The following TMOD3 variants were observed in gnomAD, a reference collection of about 807,000 sequenced individuals.
TMOD3 encodes tropomodulin-3.
In TMOD3, 20 loss-of-function variants were observed where a neutral mutation model predicts 39.2. That is an observed-to-expected ratio of 0.51 (90% CI 0.36 to 0.74). The LOEUF (loss-of-function observed/expected upper bound fraction) is 0.74, where lower values mean the gene tolerates loss of function less well. TMOD3 is among the 30% of genes least tolerant of loss of function. The pLI, the probability that TMOD3 is intolerant of heterozygous loss-of-function variation, is 0.00. For synonymous variants in TMOD3, 143 were observed against 145.8 expected, an observed-to-expected ratio of 0.98 and a Z score of 0.14; for missense variants, 381 against 412.8, an observed-to-expected ratio of 0.92 and a Z score of 0.67.
At chr15:51,892,640 C>T (rs1225299657) in intron 5 of TMOD3, among the ~76,000 whole-genome samples, 2 of 152,282 alleles carry the variant, frequency 1.3e-5, no homozygotes, top group East Asian at 3.9e-4. Flanking sequence ...CCCCACTTTC[C>T]CACTGCAGAG....
chr15:51,888,355 A>G (rs939794765), intron 4 of TMOD3, among the ~76,000 whole-genome samples: 1 of 152,150 alleles, frequency 6.6e-6, no homozygotes, highest in African/African-American at 2.4e-5. Context: ...TTTGGAAAGG[A>G]CCTTGGAAAG....
chr15:51,847,991 C>G (rs963797210), intron 1 of TMOD3, among the ~76,000 whole-genome samples: 24 of 152,198 alleles, frequency 1.6e-4, no homozygotes, highest in African/African-American at 5.3e-4. Flanking sequence ...GAGTAGGATT[C>G]ATGCCATTAT....
chr15:51,875,948 T>C (rs1013556962), intron 3 of TMOD3, among the ~76,000 whole-genome samples: 2 of 152,120 alleles, frequency 1.3e-5, no homozygotes, highest in African/African-American at 4.8e-5. Flanking sequence ...TTTCAGAATC[T>C]TGTACTCTGA....
intron 1 of TMOD3, among the ~76,000 whole-genome samples, chr15:51,855,389 T>C (rs1181460865): frequency 2.0e-5 from 3 of 152,224 alleles, no homozygotes; most frequent in African/African-American, 7.2e-5. Context: ...CAGGAGATTA[T>C]GATGCACTCA....
chr15:51,891,244 CTT>C (rs56932356), intron 5 of TMOD3, among the ~76,000 whole-genome samples: 3 of 130,252 alleles, frequency 2.3e-5, no homozygotes, highest in African/African-American at 2.8e-5. Context: ...AACCTCTTTC[CTT>C]TTTTTTTTTT....
chr15:51,843,759 C>A (rs1372110048), intron 1 of TMOD3, among the ~76,000 whole-genome samples: 2 of 151,968 alleles, frequency 1.3e-5, no homozygotes, highest in East Asian at 3.8e-4. Flanking sequence ...GAAAACATAC[C>A]CCAAAACTGC....
Position 51,909,064 on chromosome 15 carries a change from A to G in TMOD3, c.*254A>G, listed in dbSNP as rs1399016238. The stretch of plus-strand genomic sequence containing the variant: ...ATGATTTATGATGAATCTTGGGCAA[A>G]AAAATACAACTGTAAAAAATTTCAC... On this transcript the variant is annotated 3_prime_UTR_variant, in exon 10 of 10. Coordinates refer to ENST00000308580, the MANE Select transcript of TMOD3 (RefSeq NM_014547.5). 1.5e-5 allele frequency: 5 copies of G among 328,618 alleles called. No individual in the cohort carries two copies. The highest frequency in any genetic ancestry group is 4.9e-5 in the Admixed American group (1 of 20,530). The allele number at this position is 328,618 out of a possible 1,614,324, so 20.4% of individuals were successfully genotyped here. A position where few individuals can be genotyped will look rare whatever the true frequency, so the allele number is the denominator to read the frequency against.
intron 1 of TMOD3, among the ~76,000 whole-genome samples, chr15:51,851,534 T>C: frequency 6.6e-6 from 1 of 152,218 alleles, no homozygotes; most frequent in Non-Finnish European, 1.5e-5. Context: ...ATTATCATTA[T>C]TATGGGTTTG....
intron 2 of TMOD3, among the ~76,000 whole-genome samples, chr15:51,866,522 A>G (rs769260988): frequency 1.3e-5 from 2 of 152,140 alleles, no homozygotes; most frequent in Non-Finnish European, 2.9e-5. Flanking sequence ...AAAGAAAGAA[A>G]GAAAAAAAAG....
chr15:51,882,188 C>A (rs2056538409), intron 3 of TMOD3, among the ~76,000 whole-genome samples: 2 of 152,014 alleles, frequency 1.3e-5, no homozygotes. Context: ...AGTCACCATG[C>A]CCAGCCTATT....
Position 51,862,797 on chromosome 15 carries a change from T to G in TMOD3, c.-74-14T>G. 1 of 1,326,996 alleles carries G rather than the reference T, an allele frequency of 7.5e-7. No individual in the cohort carries two copies. Among genetic ancestry groups the G allele is most frequent in the Non-Finnish European group, 1.0e-6 (1 of 982,502 alleles). The allele number at this position is 1,326,996 out of a possible 1,614,324, so 82.2% of individuals were successfully genotyped here. A position where few individuals can be genotyped will look rare whatever the true frequency, so the allele number is the denominator to read the frequency against. ...ACTTACTATTTAAAATGTATTTGTT[T>G]CTTCTCTCCATAGCTTTAAGAAAAA... is the stretch of plus-strand genomic sequence containing the variant. On this transcript the variant is annotated splice_polypyrimidine_tract_variant and intron_variant, in intron 1 of 9. Transcript: ENST00000308580.
chr15:51,835,387 C>T (rs1038064877), intron 1 of TMOD3, among the ~76,000 whole-genome samples: 3 of 152,192 alleles, frequency 2.0e-5, no homozygotes, highest in Non-Finnish European at 2.9e-5. Context: ...ACTGCAGCCT[C>T]GACCTCCTGG....
intron 1 of TMOD3, among the ~76,000 whole-genome samples, chr15:51,848,890 A>G (rs2056348085): frequency 6.6e-6 from 1 of 152,174 alleles, no homozygotes; most frequent in African/African-American, 2.4e-5. Flanking sequence ...GAGCAGGCCA[A>G]TTTCTAATTT....
chr15:51,899,476 G>T (rs1472246242), intron 7 of TMOD3, among the ~76,000 whole-genome samples: 2 of 151,962 alleles, frequency 1.3e-5, no homozygotes, highest in Non-Finnish European at 2.9e-5. Flanking sequence ...GACCAGCCTG[G>T]GCAACATGGT....
chr15:51,859,736 A>G (rs1467252519), intron 1 of TMOD3: 2 of 488,538 alleles, frequency 4.1e-6, no homozygotes, highest in South Asian at 1.7e-5. Context: ...CTTTGAGTCA[A>G]TCAGCACATG....
chr15:51,844,003 A>T (rs2056324605), intron 1 of TMOD3, among the ~76,000 whole-genome samples: 1 of 151,856 alleles, frequency 6.6e-6, no homozygotes, highest in Non-Finnish European at 1.5e-5. Flanking sequence ...TGAGTGTGGC[A>T]TGCATAATTC....
At chr15:51,862,699 G>C (rs2056425157) in intron 1 of TMOD3, 112 bp from the exon 2 acceptor site, 4 of 399,014 alleles carry the variant, frequency 1.0e-5, no homozygotes, top group Non-Finnish European at 1.7e-5. Flanking sequence ...TGTGATATGT[G>C]ATCAAAGAAT....
At position 51,837,424 on chromosome 15, in the gene TMOD3, CT is replaced by C. The variant is rs75918501; in HGVS notation, c.-75+7602del. Among the ~76,000 whole-genome samples the C allele has an allele frequency of 3.4e-3, 479 of 141,778 alleles. 1 individual carries two copies. Among genetic ancestry groups the C allele is most frequent in the Admixed American group, 5.7e-3 (81 of 14,148 alleles). 93.0% of individuals were successfully genotyped at this position (141,778 alleles called of 152,430 possible). A position where few individuals can be genotyped will look rare whatever the true frequency, so the allele number is the denominator to read the frequency against. On this transcript the variant is annotated intron_variant, in intron 1 of 9. Transcript: ENST00000308580. ...AGGTTAATACTCTTAGGGAACTATT[CT>C]TTTTTTTTTTTTTCCTCTTTAATGT... is the stretch of plus-strand genomic sequence containing the variant.
chr15:51,863,923 G>A (rs1238639183), intron 2 of TMOD3, among the ~76,000 whole-genome samples: 1 of 152,128 alleles, frequency 6.6e-6, no homozygotes, highest in Non-Finnish European at 1.5e-5. Context: ...CATCACAACA[G>A]TATCTTCTGT....
Sources: gnomAD v4.1 joint callset for allele counts (sites outside exome capture counted in the v4.1 genomes callset) on GRCh38, gnomAD v4.1.1 for gene constraint, MANE v1.5 for transcripts, NCBI Gene and HGNC (gene_info 2026-07-23, HGNC 2026-07-21) for gene names.